The following CFAP54 variants were observed in gnomAD, a reference collection of about 807,000 sequenced individuals.
CFAP54 encodes cilia and flagella associated protein 54, also known as cilia- and flagella-associated protein 54.
A neutral mutation model predicts 370.4 loss-of-function variants in CFAP54; 290 were observed. The observed-to-expected ratio is 0.78, with a 90% CI of 0.71 to 0.86. The LOEUF (loss-of-function observed/expected upper bound fraction) is 0.86. CFAP54 is among the 40% of genes least tolerant of loss of function. The pLI, the probability that CFAP54 is intolerant of heterozygous loss-of-function variation, is 0.00. For synonymous variants in CFAP54, 1,206 were observed against 1,236.5 expected (o/e 0.98, Z 0.52); for missense variants, 3,399 against 3,528.7 (o/e 0.96, Z 0.93).
chr12:96,622,497 A>G (rs1029128490), intron 27 of CFAP54, among the ~76,000 whole-genome samples: 2 of 151,972 alleles, frequency 1.3e-5, no homozygotes, highest in African/African-American at 4.8e-5. Context: ...TTATAGGTGT[A>G]TGACACCACA....
intron 67 of CFAP54, among the ~76,000 whole-genome samples, chr12:96,868,954 A>G (rs1008738044): frequency 6.6e-6 from 1 of 152,218 alleles, no homozygotes; most frequent in Non-Finnish European, 1.5e-5. Context: ...ATTCCAGCAA[A>G]TAAGTTTTCC....
Position 96,693,794 on chromosome 12 carries a change from G to A in CFAP54, c.6337G>A (p.Ala2113Thr). ...TCAAGACATAACAAGAAATCTAGAA[G>A]CAAGAATCCTCAAGGTATGTTACAA... ...ICQDITRNLE[A>T]RILKIEVLID... Residue 2113 changes from alanine to threonine, a missense_variant, in exon 45 of 68, where the codon GCA (alanine) becomes ACA (threonine). By Grantham distance (58) the Ala-to-Thr change is moderately conservative (BLOSUM62 0). This residue lies in a region of CFAP54 where 2,796 missense variants were observed against 2,869.7 expected (regional missense o/e 0.97). Coordinates refer to ENST00000524981, the MANE Select transcript of CFAP54 (RefSeq NM_001306084.2). 6.3e-7 allele frequency: 1 copy of A among 1,580,498 alleles called. No individual in the cohort carries two copies. The highest frequency in any genetic ancestry group is 8.7e-7 in the Non-Finnish European group (1 of 1,151,500).
intron 42 of CFAP54, among the ~76,000 whole-genome samples, chr12:96,687,817 AGGAAAGGAACAGCTT>A (rs1209731279): frequency 1.3e-5 from 2 of 152,202 alleles, no homozygotes; most frequent in Non-Finnish European, 2.9e-5. Context: ...GGAAAAGCCA[AGGAAAGGAACAGCTT>A]GGAAAGGAAC....
At chr12:96,822,207 G>T (rs965390730) in intron 65 of CFAP54, among the ~76,000 whole-genome samples, 1 of 152,112 alleles carries the variant, frequency 6.6e-6, no homozygotes, top group African/African-American at 2.4e-5. Flanking sequence ...ACAGTTAACG[G>T]GAGTGTTCAG....
intron 8 of CFAP54, among the ~76,000 whole-genome samples, chr12:96,526,495 T>C (rs1035574818): frequency 6.6e-6 from 1 of 152,208 alleles, no homozygotes; most frequent in African/African-American, 2.4e-5. Context: ...GTGGTGCTTA[T>C]TAAAAGTGTC....
At chr12:96,786,630 C>T (rs1010593468) in intron 61 of CFAP54, 45 bp from the exon 62 acceptor site, 16 of 1,348,406 alleles carry the variant, frequency 1.2e-5, no homozygotes, top group East Asian at 5.0e-5. Context: ...GAGATCATCC[C>T]GTTTTCTAAT....
chr12:96,749,187 T>C (rs1196650612), intron 55 of CFAP54, among the ~76,000 whole-genome samples: 1 of 152,204 alleles, frequency 6.6e-6, no homozygotes, highest in Non-Finnish European at 1.5e-5. Context: ...AGATTTGGTG[T>C]CTGGTGAGGG....
intron 17 of CFAP54, among the ~76,000 whole-genome samples, chr12:96,560,326 C>T (rs1955802230): frequency 6.6e-6 from 1 of 152,190 alleles, no homozygotes; most frequent in Admixed American, 6.5e-5. Context: ...TCTCTACCTC[C>T]ATGAGGTAAA....
chr12:96,510,989 A>G (rs1592822208), intron 4 of CFAP54, among the ~76,000 whole-genome samples: 2 of 151,586 alleles, frequency 1.3e-5, no homozygotes, highest in Non-Finnish European at 1.5e-5. Context: ...AAAGAAATGA[A>G]AAAGATGAAG....
chr12:96,704,331 G>A (rs1957522518), intron 46 of CFAP54, among the ~76,000 whole-genome samples: 1 of 150,272 alleles, frequency 6.7e-6, no homozygotes, highest in Non-Finnish European at 1.5e-5. Context: ...GGAGGCTGAG[G>A]CAGGAGAATG....
At chr12:96,858,326 C>T (rs568084244) in intron 66 of CFAP54, among the ~76,000 whole-genome samples, 14 of 152,152 alleles carry the variant, frequency 9.2e-5, no homozygotes, top group Admixed American at 7.8e-4. Flanking sequence ...ATCCTTTGCC[C>T]GTTTTTTAGT....
intron 1 of CFAP54, among the ~76,000 whole-genome samples, chr12:96,499,197 C>G (rs1418436565): frequency 1.3e-5 from 2 of 152,018 alleles, no homozygotes; most frequent in Non-Finnish European, 2.9e-5. Context: ...AGGCTGGTCT[C>G]AAACTCCTGA....
At chr12:96,527,570 T>A (rs1346266952) in intron 9 of CFAP54, 126 bp downstream of exon 9, 1 of 608,772 alleles carries the variant, frequency 1.6e-6, no homozygotes, top group Admixed American at 3.8e-5. Flanking sequence ...TTTGTTTGGT[T>A]GTTTGTTTGT....
intron 47 of CFAP54, among the ~76,000 whole-genome samples, chr12:96,705,052 A>G (rs557836592): frequency 3.9e-5 from 6 of 152,306 alleles, no homozygotes; most frequent in African/African-American, 1.2e-4. Flanking sequence ...TGAAATAATA[A>G]TTTTAAAAAA....
chr12:96,612,058 C>T (rs1339432770), intron 26 of CFAP54, among the ~76,000 whole-genome samples: 1 of 152,130 alleles, frequency 6.6e-6, no homozygotes, highest in Admixed American at 6.5e-5. Flanking sequence ...CAAAGATACT[C>T]CTCAAGAAGA....
At chr12:96,551,313 G>A (rs1454731450) in intron 15 of CFAP54, among the ~76,000 whole-genome samples, 1 of 152,100 alleles carries the variant, frequency 6.6e-6, no homozygotes, top group African/African-American at 2.4e-5. Context: ...CTCTGCCTAT[G>A]TATATAAGGA....
intron 32 of CFAP54, among the ~76,000 whole-genome samples, chr12:96,634,729 T>A (rs1424301350): frequency 6.6e-6 from 1 of 152,202 alleles, no homozygotes; most frequent in Non-Finnish European, 1.5e-5. Context: ...TCCATTTAAG[T>A]TGTGATTCAT....
intron 32 of CFAP54, among the ~76,000 whole-genome samples, chr12:96,640,106 G>A (rs554142129): frequency 6.6e-6 from 1 of 151,888 alleles, no homozygotes; most frequent in Admixed American, 6.6e-5. Context: ...AGGAAATAAA[G>A]GGTATTCAAT....
At chr12:96,801,705 T>C (rs543652677) in intron 63 of CFAP54, among the ~76,000 whole-genome samples, 14 of 152,198 alleles carry the variant, frequency 9.2e-5, no homozygotes, top group African/African-American at 3.4e-4. Context: ...ATTTGAATTA[T>C]GTTTATAACT....
Sources: gnomAD v4.1 joint callset for allele counts (sites outside exome capture counted in the v4.1 genomes callset) on GRCh38, gnomAD v4.1.1 for gene constraint, gnomAD v4.1.1 regional missense constraint, MANE v1.5 for transcripts, NCBI Gene and HGNC (gene_info 2026-07-23, HGNC 2026-07-21) for gene names.